The following OPCML variants were observed in gnomAD, a reference collection of about 807,000 sequenced individuals.
OPCML encodes the protein opioid-binding protein/cell adhesion molecule.
In OPCML, 13 loss-of-function variants were observed where a neutral mutation model predicts 37.8. The ratio of observed to expected loss-of-function variants is 0.34; its 90% confidence interval spans 0.22 to 0.55. OPCML has a LOEUF of 0.55. Among genes scored for constraint, OPCML ranks in the 20% least tolerant of loss-of-function variants. The pLI is 0.91. For synonymous variants in OPCML, 176 were observed against 168.8 expected (o/e 1.04, Z -0.33); for missense variants, 341 against 435.6 (o/e 0.78, Z 1.93).
chr11:132,766,722 C>T (rs1946457651), intron 2 of OPCML, among the ~76,000 whole-genome samples: 1 of 151,884 alleles, frequency 6.6e-6, no homozygotes, highest in Admixed American at 6.6e-5. Flanking sequence ...GGGACAATGC[C>T]TTGACAGAAG....
chr11:133,109,319 T>C (rs529041814), intron 1 of OPCML, among the ~76,000 whole-genome samples: 7 of 152,300 alleles, frequency 4.6e-5, no homozygotes, highest in African/African-American at 1.4e-4. Context: ...CTCCACAGCA[T>C]GGAAGAGGAC....
chr11:133,511,661 A>G (rs982620886), intron 1 of OPCML, among the ~76,000 whole-genome samples: 5 of 145,992 alleles, frequency 3.4e-5, no homozygotes, highest in African/African-American at 1.3e-4. Context: ...TGTAATTGCG[A>G]CTCTCTTCCC....
chr11:132,630,344 G>T (rs565553804), intron 3 of OPCML, among the ~76,000 whole-genome samples: 94 of 152,282 alleles, frequency 6.2e-4, no homozygotes, highest in African/African-American at 2.2e-3. Flanking sequence ...GCGGTCACGA[G>T]GTCAAGAGAT....
chr11:132,438,211 C>T lies in OPCML; in HGVS notation c.506-852G>A, dbSNP rs145416739. Among the ~76,000 whole-genome samples, 6 of 152,340 alleles carry T rather than the reference C, an allele frequency of 3.9e-5. No homozygotes were observed. In the East Asian group the frequency reaches 7.7e-4, roughly 20 times the overall value. On this transcript the variant is annotated intron_variant, in intron 4 of 7. Coordinates refer to ENST00000524381, the MANE Select transcript of OPCML (RefSeq NM_001012393.5). ...TCTCCGCCTTACCCCTTATCTTACT[C>T]CCTGTGGTTCAGTGCAAAGACAACA...
intron 1 of OPCML, among the ~76,000 whole-genome samples, chr11:133,464,497 A>C (rs934741673): frequency 2.0e-5 from 3 of 152,194 alleles, no homozygotes; most frequent in Non-Finnish European, 2.9e-5. Flanking sequence ...TTGGATGTGG[A>C]AGGCTTTCTG....
chr11:133,104,776 T>G (rs916433010), intron 1 of OPCML, among the ~76,000 whole-genome samples: 2 of 152,220 alleles, frequency 1.3e-5, no homozygotes, highest in Admixed American at 6.5e-5. Flanking sequence ...TTCACTTTCC[T>G]TCAGATTGTT....
At chr11:133,277,617 G>A (rs1942030178) in intron 1 of OPCML, among the ~76,000 whole-genome samples, 1 of 152,002 alleles carries the variant, frequency 6.6e-6, no homozygotes, top group Non-Finnish European at 1.5e-5. Flanking sequence ...CAGGTGAGCA[G>A]GAAAGACAAC....
At chr11:133,004,279 C>G in intron 1 of OPCML, 2 of 985,462 alleles carry the variant, frequency 2.0e-6, no homozygotes, top group Non-Finnish European at 2.4e-6. Context: ...CAGAGGAAAG[C>G]AAATGTGATT....
chr11:133,186,085 A>G (rs139286824), intron 1 of OPCML, among the ~76,000 whole-genome samples: 5 of 152,138 alleles, frequency 3.3e-5, no homozygotes, highest in Non-Finnish European at 7.4e-5. Flanking sequence ...TCAGATCCAA[A>G]CGATATTATC....
intron 1 of OPCML, among the ~76,000 whole-genome samples, chr11:133,259,206 T>C (rs1443487499): frequency 1.3e-5 from 2 of 152,182 alleles, no homozygotes; most frequent in African/African-American, 4.8e-5. Context: ...AAGAGTGTTG[T>C]TTTGTTTTTA....
intron 1 of OPCML, among the ~76,000 whole-genome samples, chr11:133,328,498 C>T (rs1403628988): frequency 1.3e-5 from 2 of 152,126 alleles, no homozygotes; most frequent in Admixed American, 1.3e-4. Flanking sequence ...ATGCATAGCA[C>T]AATTCCTGGC....
At chr11:133,458,858 T>TGTATATACACATAGATGCACGTGTGTGA (rs1946789813) in intron 1 of OPCML, among the ~76,000 whole-genome samples, 1 of 148,598 alleles carries the variant, frequency 6.7e-6, no homozygotes, top group African/African-American at 2.6e-5. Flanking sequence ...CACGTGTGTG[T>TGTATATACACATAGATGCACGTGTGTGA]GTATATATAC....
intron 1 of OPCML, among the ~76,000 whole-genome samples, chr11:133,220,784 C>G (rs1031603888): frequency 1.3e-5 from 2 of 152,052 alleles, no homozygotes; most frequent in Non-Finnish European, 2.9e-5. Context: ...CTCTGGACTC[C>G]AAAGGAGCTT....
At chr11:133,140,477 T>G (rs1225661828) in intron 1 of OPCML, among the ~76,000 whole-genome samples, 3 of 144,514 alleles carry the variant, frequency 2.1e-5, no homozygotes, top group African/African-American at 7.6e-5. Context: ...ATTGCACCAC[T>G]GCACTCCAGC....
At chr11:132,769,043 C>T (rs1445390266) in intron 2 of OPCML, among the ~76,000 whole-genome samples, 1 of 147,744 alleles carries the variant, frequency 6.8e-6, no homozygotes, top group Non-Finnish European at 1.5e-5. Flanking sequence ...GAGGTCAGCT[C>T]TGTAAGTGCT....
chr11:132,655,952 A>AG, intron 3 of OPCML, among the ~76,000 whole-genome samples: 1 of 152,168 alleles, frequency 6.6e-6, no homozygotes, highest in East Asian at 1.9e-4. Context: ...AAAAAAAAAA[A>AG]AAATTCTGTT....
At chr11:133,348,640 T>C (rs1944056345) in intron 1 of OPCML, among the ~76,000 whole-genome samples, 1 of 152,182 alleles carries the variant, frequency 6.6e-6, no homozygotes, top group Admixed American at 6.5e-5. Context: ...TGCTGCAGCA[T>C]TTAACAGGAA....
chr11:132,945,376 G>GTAA (rs1315047979), intron 1 of OPCML, among the ~76,000 whole-genome samples: 1 of 152,220 alleles, frequency 6.6e-6, no homozygotes, highest in African/African-American at 2.4e-5. Context: ...TAACACAATA[G>GTAA]TAAGGATTTG....
chr11:132,675,102 T>C (rs1942639832), intron 2 of OPCML, among the ~76,000 whole-genome samples: 1 of 151,698 alleles, frequency 6.6e-6, no homozygotes, highest in Non-Finnish European at 1.5e-5. Context: ...GAAGGTGCAA[T>C]TCAGTGGTTC....
Sources: allele counts gnomAD v4.1 joint callset (sites outside exome capture counted in the v4.1 genomes callset), GRCh38; gene constraint gnomAD v4.1.1; transcripts MANE v1.5; gene names NCBI Gene and HGNC (gene_info 2026-07-23, HGNC 2026-07-21).